Variants in GALNT17 observed in about 807,000 individuals in gnomAD.
GALNT17 encodes polypeptide N-acetylgalactosaminyltransferase 17, also known as UDP-GalNAc:polypeptide N-acetylgalactosaminyltransferase-like 3.
A neutral mutation model predicts 63.7 loss-of-function variants in GALNT17; 29 were observed. That is an observed-to-expected ratio of 0.46 (90% confidence interval 0.34 to 0.62). The LOEUF (loss-of-function observed/expected upper bound fraction) is 0.62. GALNT17 is among the 20% of genes least tolerant of loss of function. The probability of loss-of-function intolerance (pLI) is 0.01; values close to 1 mark genes in which losing one functional copy is unlikely to be tolerated. For synonymous variants in GALNT17, 305 were observed against 318.3 expected (o/e 0.96, Z 0.45); for missense variants, 603 against 799.6 (o/e 0.75, Z 2.97).
chr7:71,259,631 G>GTT (rs1164044325), intron 1 of GALNT17, among the ~76,000 whole-genome samples: 29 of 129,850 alleles, frequency 2.2e-4, no homozygotes, highest in African/African-American at 7.6e-4. Context: ...GTCCTGTTTT[G>GTT]TTTTTTGTTT....
In GALNT17 at chr7:71,245,040, C is replaced by T. The variant is rs148724368; in HGVS notation, c.239-90510C>T. 5.7e-4 allele frequency among the ~76,000 whole-genome samples: 87 copies of T among 152,196 alleles called. 1 individual carries two copies. In the South Asian group the frequency reaches 8.3e-3, roughly 15 times the overall value. ...ATGTTTCTCAGGAAAAGCAATTAAT[C>T]GATGTCACCTAGCCCCACTCTAGGA... On this transcript the variant is annotated intron_variant, in intron 1 of 10. Transcript: ENST00000333538.
At chr7:71,413,452 G>A (rs10265164) in intron 3 of GALNT17, among the ~76,000 whole-genome samples, 9 of 151,810 alleles carry the variant, frequency 5.9e-5, no homozygotes, top group African/African-American at 1.7e-4. Context: ...TGCAACCTCC[G>A]CCTCCCAGGT....
chr7:71,263,229 G>T (rs1790417784), intron 1 of GALNT17, among the ~76,000 whole-genome samples: 1 of 151,860 alleles, frequency 6.6e-6, no homozygotes, highest in East Asian at 2.0e-4. Flanking sequence ...TGTGGTGGCG[G>T]GTGCCTGTAG....
chr7:71,611,568 G>A (rs1345856279), intron 6 of GALNT17, among the ~76,000 whole-genome samples: 1 of 152,096 alleles, frequency 6.6e-6, no homozygotes, highest in African/African-American at 2.4e-5. Flanking sequence ...CCTGCAGAAG[G>A]TCTGGAGCAC....
intron 1 of GALNT17, among the ~76,000 whole-genome samples, chr7:71,206,077 A>T (rs1412504609): frequency 6.7e-6 from 1 of 148,918 alleles, no homozygotes; most frequent in East Asian, 1.9e-4. Context: ...CTCTTTGTCA[A>T]ATATATGAGG....
chr7:71,343,628 G>C (rs144358055), intron 2 of GALNT17, among the ~76,000 whole-genome samples: 50 of 152,164 alleles, frequency 3.3e-4, no homozygotes, highest in African/African-American at 1.2e-3. Context: ...AGTGTAAAAA[G>C]ATATTATCCC....
intron 1 of GALNT17, among the ~76,000 whole-genome samples, chr7:71,237,523 A>G (rs1448903129): frequency 6.6e-6 from 1 of 150,612 alleles, no homozygotes; most frequent in Admixed American, 6.6e-5. Flanking sequence ...AAAAAAAAAA[A>G]AAAAAAAAAG....
intron 6 of GALNT17, among the ~76,000 whole-genome samples, chr7:71,613,074 A>G (rs994036154): frequency 2.0e-5 from 3 of 152,152 alleles, no homozygotes; most frequent in Non-Finnish European, 4.4e-5. Flanking sequence ...CCAAGCCAAC[A>G]CTGGTTGTTG....
chr7:71,698,502 G>A (rs1350973134), intron 9 of GALNT17, among the ~76,000 whole-genome samples: 2 of 152,030 alleles, frequency 1.3e-5, no homozygotes, highest in Non-Finnish European at 2.9e-5. Flanking sequence ...TTTTATTGAG[G>A]GGAAGCAGAT....
intron 1 of GALNT17, among the ~76,000 whole-genome samples, chr7:71,280,689 C>G (rs781440487): frequency 5.0e-4 from 76 of 152,284 alleles, no homozygotes; most frequent in African/African-American, 1.5e-3. Flanking sequence ...CAGGCTGTCT[C>G]CAGTGTGATA....
chr7:71,412,951 G>A (rs1793456806), intron 3 of GALNT17, among the ~76,000 whole-genome samples: 1 of 152,192 alleles, frequency 6.6e-6, no homozygotes, highest in Non-Finnish European at 1.5e-5. Flanking sequence ...GCTGAGGCAG[G>A]AGAACTGTTT....
At chr7:71,297,515 G>C (rs750879938) in intron 1 of GALNT17, among the ~76,000 whole-genome samples, 1 of 115,504 alleles carries the variant, frequency 8.7e-6, no homozygotes, top group Non-Finnish European at 2.0e-5. Flanking sequence ...TGTAGCCCCA[G>C]CTACTTAGAA....
intron 1 of GALNT17, among the ~76,000 whole-genome samples, chr7:71,135,466 A>G (rs746758449): frequency 3.3e-5 from 5 of 152,196 alleles, no homozygotes; most frequent in Non-Finnish European, 7.3e-5. Flanking sequence ...ACCCGCCTGA[A>G]CAACTTGCTC....
Position 71,191,130 on chromosome 7 carries a change from A to G in GALNT17, c.238+58090A>G, listed in dbSNP as rs142503458. ...TAGTTTGATTCGTTTTGAGAAACAC[A>G]TACATTTATGTAACCCACAGTCTAC... On this transcript the variant is annotated intron_variant, in intron 1 of 10. Transcript: ENST00000333538. 3.4e-3 allele frequency among the ~76,000 whole-genome samples: 517 copies of G among 152,324 alleles called. 2 individuals are homozygous for G. Among genetic ancestry groups the G allele is most frequent in the African/African-American group, 0.012 (485 of 41,562 alleles).
intron 6 of GALNT17, among the ~76,000 whole-genome samples, chr7:71,613,076 T>C (rs1440148581): frequency 6.6e-6 from 1 of 152,130 alleles, no homozygotes; most frequent in African/African-American, 2.4e-5. Context: ...AAGCCAACAC[T>C]GGTTGTTGGT....
intron 1 of GALNT17, among the ~76,000 whole-genome samples, chr7:71,330,225 C>T (rs887113613): frequency 6.6e-6 from 1 of 152,070 alleles, no homozygotes; most frequent in African/African-American, 2.4e-5. Flanking sequence ...GTTGACCAGG[C>T]TGGTCTTGAA....
intron 3 of GALNT17, among the ~76,000 whole-genome samples, chr7:71,393,433 C>G (rs1359855256): frequency 6.6e-6 from 1 of 152,172 alleles, no homozygotes; most frequent in African/African-American, 2.4e-5. Flanking sequence ...CCAGAGGCAA[C>G]TGCTCATTCG....
intron 1 of GALNT17, among the ~76,000 whole-genome samples, chr7:71,208,543 T>C (rs1409307034): frequency 6.6e-6 from 1 of 150,736 alleles, no homozygotes; most frequent in African/African-American, 2.4e-5. Flanking sequence ...CTTGACCTCC[T>C]GGGCTCAAAT....
chr7:71,486,604 G>T (rs1034822386), intron 5 of GALNT17, among the ~76,000 whole-genome samples: 1 of 151,184 alleles, frequency 6.6e-6, no homozygotes, highest in Non-Finnish European at 1.5e-5. Flanking sequence ...AGGCATGATG[G>T]TTCACACCTA....
Sources: gnomAD v4.1 joint callset for allele counts (sites outside exome capture counted in the v4.1 genomes callset) on GRCh38, gnomAD v4.1.1 for gene constraint, MANE v1.5 for transcripts, NCBI Gene and HGNC (gene_info 2026-07-23, HGNC 2026-07-21) for gene names.